Variants in SYNE1 observed in about 807,000 individuals in gnomAD.
The protein encoded by SYNE1 is nesprin-1.
In SYNE1, 616 loss-of-function variants were observed where a neutral mutation model predicts 1,111.0. The observed-to-expected ratio is 0.55, with a 90% CI of 0.52 to 0.59. The LOEUF (loss-of-function observed/expected upper bound fraction) is 0.59. SYNE1 is among the 20% of genes least tolerant of loss of function. The pLI is 0.00. For synonymous variants in SYNE1, 3,855 were observed against 3,825.8 expected (o/e 1.01, Z -0.28); for missense variants, 10,006 against 10,417.0 (o/e 0.96, Z 1.72).
intron 118 of SYNE1, 22 bp downstream of exon 118, chr6:152,221,404 G>A (rs1417836229): frequency 6.2e-7 from 1 of 1,612,930 alleles, no homozygotes. Flanking sequence ...TAAATAGTGT[G>A]TAAAGTTAAC....
intron 99 of SYNE1, among the ~76,000 whole-genome samples, chr6:152,268,862 G>A (rs549468120): frequency 6.6e-6 from 1 of 152,074 alleles, no homozygotes. Flanking sequence ...TAGATTCAGA[G>A]GGCAAATCTG....
intron 76 of SYNE1, 111 bp downstream of exon 76, chr6:152,336,730 T>A: frequency 7.3e-7 from 1 of 1,367,966 alleles, no homozygotes; most frequent in African/African-American, 1.4e-5. Flanking sequence ...TGTATTAATG[T>A]CTAAGGATTG....
chr6:152,534,198 G>GAATA (rs1359560506), intron 4 of SYNE1, among the ~76,000 whole-genome samples: 23 of 138,904 alleles, frequency 1.7e-4, no homozygotes, highest in South Asian at 6.6e-4. Context: ...ATGAATGAAT[G>GAATA]AATGAATAAA....
At chr6:152,420,669 G>T (rs551098611) in intron 39 of SYNE1, among the ~76,000 whole-genome samples, 6 of 152,252 alleles carry the variant, frequency 3.9e-5, no homozygotes, top group South Asian at 2.1e-4. Flanking sequence ...CGTGAGATTT[G>T]CTAACCCAAC....
In SYNE1 at chr6:152,218,312, T is replaced by C; in HGVS notation, c.22136A>G (p.Asp7379Gly). Residue 7379 changes from aspartate to glycine, a missense_variant, in exon 121 of 146, where the codon GAC (aspartate) becomes GGC (glycine). By Grantham distance (94) the Asp-to-Gly change is moderately conservative (BLOSUM62 -1). Around this residue, in one of 7 missense-constraint regions of SYNE1, gnomAD observed 2,182 missense variants for 2,287.8 expected, o/e 0.95. Transcript: ENST00000367255. Reference protein sequence around the residue: ...VEAEEILQGQDPSHSSDLSTI... With the variant: ...VEAEEILQGQGPSHSSDLSTI... ...GGAGAGGTCAGATGAGTGGCTAGGG[T>C]CCTGCCCTTGTAGTATTTCTTCAGC... is the stretch of plus-strand genomic sequence containing the variant. The C allele has an allele frequency of 6.2e-7, 1 of 1,614,052 alleles. No homozygotes were observed. The highest frequency in any genetic ancestry group is 8.5e-7 in the Non-Finnish European group (1 of 1,179,974).
chr6:152,362,754 CG>C (rs1341076367), intron 63 of SYNE1, among the ~76,000 whole-genome samples: 1 of 152,054 alleles, frequency 6.6e-6, no homozygotes, highest in Admixed American at 6.5e-5. Flanking sequence ...AACCACCTTA[CG>C]TGAGATTAAA....
chr6:152,392,286 A>T (rs1483533063), intron 51 of SYNE1, among the ~76,000 whole-genome samples: 1 of 152,180 alleles, frequency 6.6e-6, no homozygotes, highest in Admixed American at 6.5e-5. Flanking sequence ...TCTTTCGAAA[A>T]GCTGTTGTAG....
At chr6:152,540,433 G>A (rs2099263763) in intron 3 of SYNE1, among the ~76,000 whole-genome samples, 1 of 152,172 alleles carries the variant, frequency 6.6e-6, no homozygotes, top group South Asian at 2.1e-4. Flanking sequence ...AAATGGACAA[G>A]CAAGGGCTAT....
At chr6:152,185,784 T>C (rs2069674503) in intron 128 of SYNE1, among the ~76,000 whole-genome samples, 1 of 152,252 alleles carries the variant, frequency 6.6e-6, no homozygotes, top group South Asian at 2.1e-4. Context: ...GATGGCTGTC[T>C]AGATATATCT....
At position 152,122,626 on chromosome 6, in the gene SYNE1, C is replaced by G. The variant is rs2295192; in HGVS notation, c.26204G>C (p.Arg8735Pro). 6.2e-7 allele frequency: 1 copy of G among 1,613,954 alleles called. No homozygotes were observed. The highest frequency in any genetic ancestry group is 1.3e-5 in the African/African-American group (1 of 74,902). The change falls in exon 146 of 146, where the codon CGG (arginine) becomes CCG (proline). Residue 8735 changes from arginine (R) to proline (P), a missense_variant. Physicochemically the swap from Arg to Pro is moderately radical, Grantham distance 103. Around this residue, in one of 7 missense-constraint regions of SYNE1, gnomAD observed 761 missense variants for 795.5 expected, o/e 0.96. Transcript: ENST00000367255. ...DSSLSEPGPGRSGRGFLFRVL... is the reference protein window; with the variant it reads ...DSSLSEPGPGPSGRGFLFRVL... ...TCTGAACAGGAAGCCGCGGCCGGAC[C>G]GACCTGGCCCTGGCTCAGAAAGGGA...
chr6:152,558,992 A>G (rs2099385221), intron 3 of SYNE1, among the ~76,000 whole-genome samples: 1 of 149,226 alleles, frequency 6.7e-6, no homozygotes. Flanking sequence ...TTATTTATTT[A>G]TTTATTTATT....
chr6:152,136,556 C>T (rs1470670896), intron 141 of SYNE1, 62 bp downstream of exon 141: 2 of 1,594,914 alleles, frequency 1.3e-6, no homozygotes, highest in Non-Finnish European at 1.7e-6. Context: ...CATCAAGTCA[C>T]ACACTCAGCT....
In SYNE1 at chr6:152,339,385, A is replaced by G. The variant is rs984005603; in HGVS notation, c.12226-19T>C. ...GTTTGACCTGGAAAAGGCAGTTATCAGAGTGAAAGAGATGCATCAGCTATT... is the reference window on the plus strand; with the variant it reads ...GTTTGACCTGGAAAAGGCAGTTATCGGAGTGAAAGAGATGCATCAGCTATT... On this transcript the variant is annotated intron_variant, in intron 74 of 145. Coordinates refer to ENST00000367255, the MANE Select transcript of SYNE1 (RefSeq NM_182961.4). 1 of 1,612,696 alleles carries G rather than the reference A, an allele frequency of 6.2e-7. No individual in the cohort carries two copies. The highest frequency in any genetic ancestry group is 8.5e-7 in the Non-Finnish European group (1 of 1,179,004).
At chr6:152,336,676 G>A in intron 76 of SYNE1, 165 bp downstream of exon 76, 2 of 880,716 alleles carry the variant, frequency 2.3e-6, no homozygotes, top group Non-Finnish European at 3.6e-6. Context: ...ATGGACTTGT[G>A]CTTGTCCATA....
At chr6:152,283,738 T>C (rs942371803) in intron 96 of SYNE1, among the ~76,000 whole-genome samples, 2 of 152,146 alleles carry the variant, frequency 1.3e-5, no homozygotes, top group Non-Finnish European at 2.9e-5. Context: ...GGTTTCACTA[T>C]GTTAGCCAGG....
intron 56 of SYNE1, among the ~76,000 whole-genome samples, chr6:152,379,173 A>C (rs1288359724): frequency 6.6e-6 from 1 of 152,212 alleles, no homozygotes; most frequent in Non-Finnish European, 1.5e-5. Flanking sequence ...AAAACGTTAC[A>C]TTTAAAACAT....
rs4523096 is a variant in SYNE1 at position 152,472,277 on chromosome 6, C to A, written c.1463+24G>T. ...ACCTAGTGTTTTAAAAAGAGACTTC[C>A]TTTAAATGCAGATATTCTCTTACCT... On this transcript the variant is annotated intron_variant, in intron 15 of 145. Transcript: ENST00000367255. The A allele has an allele frequency of 0.73, 1,151,212 of 1,584,074 alleles. 422,704 individuals carry two copies. Among genetic ancestry groups the A allele is most frequent in the East Asian group, 0.98 (43,735 of 44,746 alleles).
intron 127 of SYNE1, among the ~76,000 whole-genome samples, chr6:152,197,133 G>A (rs1187804703): frequency 6.6e-6 from 1 of 152,158 alleles, no homozygotes; most frequent in Non-Finnish European, 1.5e-5. Context: ...CTGCTGCTGG[G>A]GCACCGAAAA....
In SYNE1 at chr6:152,143,724, T is replaced by C; in HGVS notation, c.25018A>G (p.Lys8340Glu). Residue 8340 changes from lysine to glutamate, a missense_variant, in exon 138 of 146, where the codon AAA becomes GAA. By Grantham distance (56) the Lys-to-Glu change is moderately conservative. Transcript: ENST00000367255. ...TGAAAACGGCTATCATCCAGGGCTTTGCCCAGTTGTCGGATCTGTGACTCT... is the reference window on the plus strand; with the variant it reads ...TGAAAACGGCTATCATCCAGGGCTTCGCCCAGTTGTCGGATCTGTGACTCT... ...ALESQIRQLGKALDDSRFQIQ... is the reference protein window; with the variant it reads ...ALESQIRQLGEALDDSRFQIQ... The C allele has an allele frequency of 6.2e-7, 1 of 1,614,234 alleles. No homozygotes were observed. Among genetic ancestry groups the C allele is most frequent in the Non-Finnish European group, 8.5e-7 (1 of 1,180,052 alleles).
Sources: gnomAD v4.1 joint callset for allele counts (sites outside exome capture counted in the v4.1 genomes callset) on GRCh38, gnomAD v4.1.1 for gene constraint, gnomAD v4.1.1 regional missense constraint, MANE v1.5 for transcripts, NCBI Gene and HGNC (gene_info 2026-07-23, HGNC 2026-07-21) for gene names.